Variants in XRN2 observed in about 807,000 individuals in gnomAD.
XRN2 encodes 5'-3' exoribonuclease 2.
XRN2 carries 44 observed loss-of-function variants against 138.5 expected under a neutral mutation model. The observed-to-expected ratio is 0.32, with a 90% CI of 0.25 to 0.41. The LOEUF is 0.41. XRN2 is among the 10% of genes least tolerant of loss of function. The pLI, the probability that XRN2 is intolerant of heterozygous loss-of-function variation, is 1.00. For missense variants in XRN2, 937 were observed against 1,169.3 expected (o/e 0.80, Z 2.90); for synonymous variants, 354 against 369.4 (o/e 0.96, Z 0.48).
At chr20:21,344,273 C>G in intron 16 of XRN2, 65 bp downstream of exon 16, 3 of 1,254,456 alleles carry the variant, frequency 2.4e-6, no homozygotes, top group South Asian at 1.2e-5. Context: ...CTAATTAATG[C>G]TATTTAGCTT....
At chr20:21,321,681 T>C (rs1298717833) in intron 1 of XRN2, among the ~76,000 whole-genome samples, 1 of 152,168 alleles carries the variant, frequency 6.6e-6, no homozygotes, top group Non-Finnish European at 1.5e-5. Flanking sequence ...CTGTGCACTT[T>C]TGCAAATGAA....
chr20:21,386,256 A>G (rs2038935203), intron 28 of XRN2, among the ~76,000 whole-genome samples: 1 of 152,236 alleles, frequency 6.6e-6, no homozygotes, highest in African/African-American at 2.4e-5. Context: ...AGCCCATGCC[A>G]ATTAGTGCTC....
At chr20:21,303,949 T>C (rs2037778570) in intron 1 of XRN2, 1 of 793,390 alleles carries the variant, frequency 1.3e-6, no homozygotes, top group African/African-American at 1.9e-5. Context: ...TGTTTACCAA[T>C]TGTGCCGGAA....
At chr20:21,317,237 T>C (rs1326652952) in intron 1 of XRN2, among the ~76,000 whole-genome samples, 1 of 152,188 alleles carries the variant, frequency 6.6e-6, no homozygotes, top group African/African-American at 2.4e-5. Context: ...TTTTTTTGTT[T>C]GTTTGTTTTT....
chr20:21,349,760 T>C (rs1177752658), intron 20 of XRN2, among the ~76,000 whole-genome samples: 1 of 152,120 alleles, frequency 6.6e-6, no homozygotes, highest in Admixed American at 6.5e-5. Context: ...AATAAATGAA[T>C]AAATAAATAT....
chr20:21,358,253 T>G (rs1568589406), intron 24 of XRN2, among the ~76,000 whole-genome samples: 1 of 152,224 alleles, frequency 6.6e-6, no homozygotes, highest in Non-Finnish European at 1.5e-5. Flanking sequence ...CAGAATATAT[T>G]TGTGAAAATT....
intron 26 of XRN2, among the ~76,000 whole-genome samples, chr20:21,367,118 C>T (rs962718288): frequency 6.6e-6 from 1 of 152,050 alleles, no homozygotes; most frequent in African/African-American, 2.4e-5. Context: ...CATTTCCCTG[C>T]CTACTGAAAT....
At chr20:21,330,439 C>T (rs780071830) in intron 4 of XRN2, 42 bp from the exon 5 acceptor site, 1 of 1,599,666 alleles carries the variant, frequency 6.3e-7, no homozygotes, top group East Asian at 2.2e-5. Context: ...TAATTTATCT[C>T]ACTTTTTATG....
At chr20:21,343,956 A>T in intron 15 of XRN2, 134 bp from the exon 16 acceptor site, 1 of 600,060 alleles carries the variant, frequency 1.7e-6, no homozygotes, top group Non-Finnish European at 2.9e-6. Flanking sequence ...TACCTTCTAA[A>T]TATGTTTACC....
intron 9 of XRN2, 96 bp from the exon 10 acceptor site, chr20:21,333,448 G>C (rs2038242520): frequency 1.6e-6 from 2 of 1,218,996 alleles, no homozygotes; most frequent in East Asian, 2.4e-5. Flanking sequence ...ATATTAAAAT[G>C]GATTGTGCGT....
At chr20:21,348,301 G>A in intron 18 of XRN2, 40 bp from the exon 19 acceptor site, 1 of 1,612,164 alleles carries the variant, frequency 6.2e-7, no homozygotes, top group Non-Finnish European at 8.5e-7. Context: ...TTCTGGATTA[G>A]ATAATAATCT....
rs934300502 is a variant in XRN2 at position 21,317,810 on chromosome 20, A to G, written c.76-8469A>G. On this transcript the variant is annotated intron_variant, in intron 1 of 29. Coordinates refer to ENST00000377191, the MANE Select transcript of XRN2 (RefSeq NM_012255.5). The stretch of plus-strand genomic sequence containing the variant: ...AATATTTTTGATCCATGATTGATCT[A>G]TTCCACAGATGTAGAATTGACAGAT... Among the ~76,000 whole-genome samples the G allele has an allele frequency of 1.2e-4, 19 of 152,332 alleles. No individual in the cohort carries two copies. In the East Asian group the frequency reaches 2.5e-3, roughly 20 times the overall value.
intron 1 of XRN2, among the ~76,000 whole-genome samples, chr20:21,324,902 C>T (rs941083184): frequency 4.6e-5 from 7 of 152,218 alleles, no homozygotes; most frequent in African/African-American, 1.7e-4. Flanking sequence ...ATTTACAGAG[C>T]TGTGCAATCA....
chr20:21,329,854 CTGGT>C (rs1164754900), intron 4 of XRN2, among the ~76,000 whole-genome samples: 233 of 110,284 alleles, frequency 2.1e-3, no homozygotes, highest in Non-Finnish European at 2.9e-3. Context: ...TGGCCTCTAA[CTGGT>C]GTGTGTGTGT....
chr20:21,354,946 T>C (rs1025585292), intron 21 of XRN2, 74 bp downstream of exon 21: 1 of 1,193,274 alleles, frequency 8.4e-7, no homozygotes, highest in East Asian at 2.7e-5. Flanking sequence ...AATTAGACCT[T>C]CCTTCTCCTG....
chr20:21,351,695 G>C (rs761825350), intron 20 of XRN2, among the ~76,000 whole-genome samples: 8 of 152,058 alleles, frequency 5.3e-5, no homozygotes, highest in Non-Finnish European at 8.8e-5. Context: ...TCCTATGTCT[G>C]CTTCTAAAAG....
intron 1 of XRN2, among the ~76,000 whole-genome samples, chr20:21,322,816 T>C (rs1228679639): frequency 2.0e-5 from 3 of 152,242 alleles, no homozygotes; most frequent in Non-Finnish European, 4.4e-5. Flanking sequence ...GGAATAAATA[T>C]ATCCCCTGCT....
intron 14 of XRN2, among the ~76,000 whole-genome samples, chr20:21,340,023 G>C (rs1249912154): frequency 1.3e-5 from 2 of 152,132 alleles, no homozygotes; most frequent in Admixed American, 1.3e-4. Flanking sequence ...TATTATTTTT[G>C]TCAGTATCTT....
At chr20:21,368,645 GT>G in intron 27 of XRN2, 55 bp downstream of exon 27, 1 of 1,598,556 alleles carries the variant, frequency 6.3e-7, no homozygotes, top group Non-Finnish European at 8.5e-7. Context: ...CACAGCAAAT[GT>G]TGGTTTCTAA....
Sources: gnomAD v4.1 joint callset for allele counts (sites outside exome capture counted in the v4.1 genomes callset) on GRCh38, gnomAD v4.1.1 for gene constraint, MANE v1.5 for transcripts, NCBI Gene and HGNC (gene_info 2026-07-23, HGNC 2026-07-21) for gene names.